The following EML5 variants were observed in gnomAD, a reference collection of about 807,000 sequenced individuals.
EML5 encodes echinoderm microtubule-associated protein-like 5.
A neutral mutation model predicts 250.0 loss-of-function variants in EML5; 120 were observed. The ratio of observed to expected loss-of-function variants is 0.48; its 90% CI spans 0.41 to 0.56. The LOEUF (loss-of-function observed/expected upper bound fraction) is 0.56. Ranked by LOEUF, EML5 falls within the 20% of genes least tolerant of loss-of-function variation. The pLI is 0.00. For synonymous variants in EML5, 771 were observed against 806.5 expected, an observed-to-expected ratio of 0.96 and a Z score of 0.75; for missense variants, 2,006 against 2,437.6, an observed-to-expected ratio of 0.82 and a Z score of 3.73.
intron 1 of EML5, among the ~76,000 whole-genome samples, chr14:88,757,743 A>C (rs568396797): frequency 6.6e-4 from 101 of 152,272 alleles, no homozygotes; most frequent in African/African-American, 2.1e-3. Context: ...AGGGAAATAC[A>C]AATCAAAAAT....
intron 36 of EML5, 147 bp from the exon 37 acceptor site, chr14:88,622,865 C>A: frequency 2.0e-6 from 1 of 508,642 alleles, no homozygotes; most frequent in Non-Finnish European, 3.4e-6. Flanking sequence ...TGTAAACTTT[C>A]TATGGCAATT....
rs990901914 is a variant in EML5 at position 88,788,251 on chromosome 14, T to C, written c.197+4056A>G. ...TTTCCAATTACAATTTTGACTTGCG[T>C]TGAATAAATTAAGTTTCTATACCAT... On this transcript the variant is annotated intron_variant, in intron 1 of 43. Coordinates refer to ENST00000554922, the MANE Select transcript of EML5 (RefSeq NM_183387.3). 5.8e-4 allele frequency among the ~76,000 whole-genome samples: 88 copies of C among 152,202 alleles called. 1 individual carries two copies. The highest frequency in any genetic ancestry group is 2.5e-3 in the Admixed American group (38 of 15,284).
At chr14:88,678,267 C>T (rs1443850151) in intron 21 of EML5, among the ~76,000 whole-genome samples, 3 of 152,018 alleles carry the variant, frequency 2.0e-5, no homozygotes, top group Non-Finnish European at 4.4e-5. Flanking sequence ...GGGAGAGGAA[C>T]ACACACTGGG....
intron 1 of EML5, among the ~76,000 whole-genome samples, chr14:88,769,533 AGAC>A (rs1280587401): frequency 6.6e-6 from 1 of 152,232 alleles, no homozygotes. Context: ...TTTAGAGAAA[AGAC>A]AATATCTAAA....
chr14:88,709,204 T>C (rs1314586560), intron 10 of EML5, among the ~76,000 whole-genome samples: 1 of 151,984 alleles, frequency 6.6e-6, no homozygotes, highest in Non-Finnish European at 1.5e-5. Flanking sequence ...AAGTAAGAAT[T>C]TCTTAATATA....
At position 88,618,314 on chromosome 14, in the gene EML5, A is replaced by G. The variant is rs1233531682; in HGVS notation, c.5556T>C (p.Tyr1852=). The G allele has an allele frequency of 1.9e-6, 3 of 1,613,622 alleles. No individual in the cohort carries two copies. The highest frequency in any genetic ancestry group is 1.7e-5 in the Admixed American group (1 of 60,010). ...SSYLQVSSGC[Y]KRHVYEVPSG... ...AAGGCACTTCATAGACATGCCGTTT[A>G]TAGCAGCCACTAGAGACCTTTTTCA... is the stretch of plus-strand genomic sequence containing the variant. The change falls in exon 41 of 44, where the codon TAT becomes TAC. Residue 1852 remains tyrosine (Y), a synonymous_variant. Coordinates refer to ENST00000554922, the MANE Select transcript of EML5 (RefSeq NM_183387.3).
rs1414932568 is a variant in EML5, at chr14:88,615,509, C to T, written c.*309G>A. 2 of 300,432 alleles carry T rather than the reference C, an allele frequency of 6.7e-6. No homozygotes were observed. The highest frequency in any genetic ancestry group is 6.1e-6 in the Non-Finnish European group (1 of 164,194). 18.6% of individuals were successfully genotyped at this position (300,432 alleles called of 1,614,324 possible). A position where few individuals can be genotyped will look rare whatever the true frequency, so the allele number is the denominator to read the frequency against. ...GAGTTCTTCTGTAAAGAGTGCTCTA[C>T]CCTAAATTTTCCCAGCAGGTCTGCC... On this transcript the variant is annotated 3_prime_UTR_variant, in exon 44 of 44. Transcript: ENST00000554922.
At position 88,662,339 on chromosome 14, in the gene EML5, G is replaced by GTTTTTTTTTT. The variant is rs71127000; in HGVS notation, c.3499-519_3499-510dup. On this transcript the variant is annotated intron_variant, in intron 24 of 43. Coordinates refer to ENST00000554922, the MANE Select transcript of EML5 (RefSeq NM_183387.3). The stretch of plus-strand genomic sequence containing the variant: ...CACAAAATGCAACACAATTTTTCTT[G>GTTTTTTTTTT]TTTTTTTTTTTTTTTTTTTTTTTTT... Among the ~76,000 whole-genome samples the GTTTTTTTTTT allele has an allele frequency of 6.6e-4, 37 of 55,658 alleles. 4 individuals are homozygous for GTTTTTTTTTT. Among genetic ancestry groups the GTTTTTTTTTT allele is most frequent in the African/African-American group, 2.1e-3 (33 of 15,664 alleles). The allele number at this position is 55,658 out of a possible 152,430, so 36.5% of individuals were successfully genotyped here. A position where few individuals can be genotyped will look rare whatever the true frequency, so the allele number is the denominator to read the frequency against.
At chr14:88,732,019 T>TG (rs2093767122) in intron 7 of EML5, among the ~76,000 whole-genome samples, 2 of 152,338 alleles carry the variant, frequency 1.3e-5, no homozygotes, top group South Asian at 4.1e-4. Flanking sequence ...GTAGGTTGCC[T>TG]GTTCACTCTG....
Position 88,792,247 on chromosome 14 carries a change from C to T in EML5, c.197+60G>A. On this transcript the variant is annotated intron_variant, in intron 1 of 43. Transcript: ENST00000554922. The surrounding 1 kb of genome is among the most constrained non-coding windows in gnomAD (Gnocchi z 6.9). ...CGGTCACGGCGTCCAGAGGAACCCGCGGGTGCAAACTCCGGGAGCGGCTTG... is the reference window on the plus strand; with the variant it reads ...CGGTCACGGCGTCCAGAGGAACCCGTGGGTGCAAACTCCGGGAGCGGCTTG... 1 of 1,524,006 alleles carries T rather than the reference C, an allele frequency of 6.6e-7. No homozygotes were observed. Among genetic ancestry groups the T allele is most frequent in the Non-Finnish European group, 8.8e-7 (1 of 1,136,454 alleles). 94.4% of individuals were successfully genotyped at this position (1,524,006 alleles called of 1,614,324 possible). A position where few individuals can be genotyped will look rare whatever the true frequency, so the allele number is the denominator to read the frequency against.
At chr14:88,633,102 C>G (rs1031058186) in intron 33 of EML5, among the ~76,000 whole-genome samples, 2 of 152,060 alleles carry the variant, frequency 1.3e-5, no homozygotes, top group African/African-American at 4.8e-5. Context: ...GTCTTGGGAC[C>G]CCTGAAACTG....
At chr14:88,785,755 C>G (rs2094545058) in intron 1 of EML5, among the ~76,000 whole-genome samples, 2 of 152,194 alleles carry the variant, frequency 1.3e-5, no homozygotes, top group South Asian at 4.1e-4. Context: ...TCCAAGCCAC[C>G]AATACTTCCT....
intron 25 of EML5, among the ~76,000 whole-genome samples, chr14:88,659,691 A>G (rs1225056222): frequency 6.6e-6 from 1 of 152,224 alleles, no homozygotes; most frequent in East Asian, 1.9e-4. Flanking sequence ...CTGGAAGTGA[A>G]GTTTCTGGCA....
At chr14:88,704,839 T>C in intron 13 of EML5, 21 bp downstream of exon 13, 1 of 1,580,246 alleles carries the variant, frequency 6.3e-7, no homozygotes, top group Non-Finnish European at 8.7e-7. Context: ...AACAAATAAA[T>C]GAAAGATAGT....
intron 13 of EML5, among the ~76,000 whole-genome samples, chr14:88,703,807 CAAG>C (rs1566664290): frequency 6.6e-6 from 1 of 152,054 alleles, no homozygotes; most frequent in South Asian, 2.1e-4. Context: ...AATGCTCATG[CAAG>C]AAGAAGTCAC....
chr14:88,688,578 G>T, intron 17 of EML5, 105 bp from the exon 18 acceptor site: 1 of 1,117,272 alleles, frequency 9.0e-7, no homozygotes, highest in Non-Finnish European at 1.3e-6. Context: ...GAATAGTAAG[G>T]CATGCAACAG....
At chr14:88,752,984 G>A (rs757238895) in intron 2 of EML5, among the ~76,000 whole-genome samples, 13 of 152,204 alleles carry the variant, frequency 8.5e-5, no homozygotes, top group East Asian at 3.9e-4. Flanking sequence ...CAATCTGTTC[G>A]TGTAACCTGG....
chr14:88,673,825 G>A (rs1226630141), intron 21 of EML5, among the ~76,000 whole-genome samples: 1 of 152,204 alleles, frequency 6.6e-6, no homozygotes, highest in Non-Finnish European at 1.5e-5. Context: ...AACAAGGGAA[G>A]TGAAGGACCT....
At chr14:88,714,153 A>AT (rs775020892) in intron 9 of EML5, among the ~76,000 whole-genome samples, 7 of 152,156 alleles carry the variant, frequency 4.6e-5, no homozygotes, top group Non-Finnish European at 8.8e-5. Flanking sequence ...AGTTTATTTG[A>AT]GATAAACACA....
Sources: allele counts gnomAD v4.1 joint callset (sites outside exome capture counted in the v4.1 genomes callset), GRCh38; gene constraint gnomAD v4.1.1; non-coding constraint Gnocchi (gnomAD v3.1); transcripts MANE v1.5; gene names NCBI Gene and HGNC (gene_info 2026-07-23, HGNC 2026-07-21).